Variants in DMRTB1 observed in about 807,000 individuals in gnomAD.
DMRTB1 encodes the protein doublesex- and mab-3-related transcription factor B1.
Under a neutral mutation model 25.2 loss-of-function variants are expected in DMRTB1, and 9 were observed. That is an observed-to-expected ratio of 0.36 (90% CI 0.22 to 0.62). DMRTB1 has a LOEUF of 0.62. Ranked by LOEUF, DMRTB1 falls within the 20% of genes least tolerant of loss-of-function variation. The probability of loss-of-function intolerance (pLI) is 0.71; values close to 1 mark genes in which losing one functional copy is unlikely to be tolerated. For synonymous variants in DMRTB1, 269 were observed against 238.1 expected, an observed-to-expected ratio of 1.13 and a Z score of -1.20; for missense variants, 551 against 499.3, an observed-to-expected ratio of 1.10 and a Z score of -0.99.
At position 53,459,520 on chromosome 1, in the gene DMRTB1, G is replaced by A; in HGVS notation, c.67G>A (p.Val23Ile). The A allele has an allele frequency of 1.2e-6, 2 of 1,613,180 alleles. No individual in the cohort carries two copies. The highest frequency in any genetic ancestry group is 1.7e-6 in the Non-Finnish European group (2 of 1,179,986). The change falls in exon 1 of 4, where the codon GTC becomes ATC. Residue 23 changes from valine (V) to isoleucine (I), a missense_variant. By Grantham distance (29) the Val-to-Ile change is conservative. Coordinates refer to ENST00000371445, the MANE Select transcript of DMRTB1 (RefSeq NM_033067.3). The part of the protein sequence containing the change: ...RCRNHGFLVP[V>I]KGHAGKCRWK... Reference sequence around the variant, plus strand: ...CAGGAACCATGGCTTCCTGGTGCCCGTCAAGGGACACGCGGGCAAATGCCG... The same window carrying A: ...CAGGAACCATGGCTTCCTGGTGCCCATCAAGGGACACGCGGGCAAATGCCG...
intron 2 of DMRTB1, among the ~76,000 whole-genome samples, chr1:53,463,227 C>G (rs1482027455): frequency 6.6e-6 from 1 of 152,214 alleles, no homozygotes; most frequent in African/African-American, 2.4e-5. Flanking sequence ...TCATCCTTGT[C>G]CTGCTGCCCC....
Position 53,459,814 on chromosome 1 carries a change from G to T in DMRTB1, c.361G>T (p.Glu121Ter). 3 of 1,443,764 alleles carry T rather than the reference G, an allele frequency of 2.1e-6. No individual in the cohort carries two copies. Among genetic ancestry groups the T allele is most frequent in the South Asian group, 1.3e-5 (1 of 75,134 alleles). The allele number at this position is 1,443,764 out of a possible 1,614,324, so 89.4% of individuals were successfully genotyped here. The change falls in exon 1 of 4, where the codon GAG becomes TAG. Residue 121 changes from glutamate (E) to a stop codon, truncating the protein, a stop_gained. Transcript: ENST00000371445. LOFTEE classifies it high-confidence loss of function. ...GGGCCGCGCGGCCGCTTGCTTCTTC[G>T]AGCAGCCCCCGCGGGGCCGGAACCC... The part of the protein sequence containing the change: ...PEGRAAACFF[E>*]QPPRGRNPGP...
chr1:53,459,462 C>T lies in DMRTB1; in HGVS notation c.9C>T (p.Asp3=). 6.2e-7 allele frequency: 1 copy of T among 1,613,092 alleles called. No individual in the cohort carries two copies. Among genetic ancestry groups the T allele is most frequent in the Non-Finnish European group, 8.5e-7 (1 of 1,179,998 alleles). Residue 3 remains aspartate (D), a synonymous_variant, in exon 1 of 4, where the codon GAC becomes GAT. Coordinates refer to ENST00000371445, the MANE Select transcript of DMRTB1 (RefSeq NM_033067.3). The part of the protein sequence containing the change: MA[D]KMVRTPKCSR... ...GAAGGCTGACCCTGCCAATGGCCGA[C>T]AAAATGGTGCGCACCCCCAAGTGCT...
intron 2 of DMRTB1, among the ~76,000 whole-genome samples, chr1:53,463,988 C>G (rs1344707975): frequency 2.6e-5 from 4 of 152,178 alleles, no homozygotes; most frequent in African/African-American, 9.7e-5. Flanking sequence ...ACAGAAGCAG[C>G]AAAATGTTCA....
At chr1:53,463,096 G>C (rs932030443) in intron 2 of DMRTB1, among the ~76,000 whole-genome samples, 2 of 152,236 alleles carry the variant, frequency 1.3e-5, no homozygotes, top group Non-Finnish European at 2.9e-5. Flanking sequence ...CCAGGGAGAT[G>C]CTTGGCTGAG....
chr1:53,463,031 A>C (rs1415864850), intron 2 of DMRTB1, among the ~76,000 whole-genome samples: 4 of 152,206 alleles, frequency 2.6e-5, no homozygotes, highest in African/African-American at 9.7e-5. Context: ...GTGTGATCTC[A>C]GTCGGTTTAT....
chr1:53,461,038 G>A (rs753731036), intron 1 of DMRTB1, among the ~76,000 whole-genome samples: 3 of 152,178 alleles, frequency 2.0e-5, no homozygotes, highest in Non-Finnish European at 4.4e-5. Context: ...CCAGGCATTC[G>A]TGATGGAGGA....
At position 53,464,308 on chromosome 1, in the gene DMRTB1, C is replaced by T. The variant is rs114845261; in HGVS notation, c.751-329C>T. Among the ~76,000 whole-genome samples, 1,006 of 152,280 alleles carry T rather than the reference C, an allele frequency of 6.6e-3. 8 individuals are homozygous for T. The highest frequency in any genetic ancestry group is 0.023 in the African/African-American group (939 of 41,550). The stretch of plus-strand genomic sequence containing the variant: ...GCTTCATCTCACTGAACCTGTTTTT[C>T]ATAATTACAGCAAGAATAGTAATAG... On this transcript the variant is annotated intron_variant, in intron 2 of 3. Transcript: ENST00000371445.
intron 2 of DMRTB1, among the ~76,000 whole-genome samples, chr1:53,463,278 T>C (rs1644031360): frequency 6.6e-6 from 1 of 152,202 alleles, no homozygotes; most frequent in Non-Finnish European, 1.5e-5. Context: ...AGTTTCCTCC[T>C]TCCTGTTCCT....
At position 53,459,890 on chromosome 1, in the gene DMRTB1, C is replaced by A; in HGVS notation, c.437C>A (p.Pro146Gln). ...PVLGGRSHVE[P>Q]SERAAVAMPS... ...CTGGGCGGCCGCAGCCACGTGGAGCCGAGCGAGCGAGCCGCCGTGGCGATG... is the reference window on the plus strand; with the variant it reads ...CTGGGCGGCCGCAGCCACGTGGAGCAGAGCGAGCGAGCCGCCGTGGCGATG... The change falls in exon 1 of 4, where the codon CCG becomes CAG. Residue 146 changes from proline to glutamine, a missense_variant. Transcript: ENST00000371445. 6.6e-7 allele frequency: 1 copy of A among 1,523,506 alleles called. No individual in the cohort carries two copies. Among genetic ancestry groups the A allele is most frequent in the Non-Finnish European group, 8.7e-7 (1 of 1,144,782 alleles). The allele number at this position is 1,523,506 out of a possible 1,614,324, so 94.4% of individuals were successfully genotyped here.
intron 1 of DMRTB1, 24 bp downstream of exon 1, chr1:53,460,054 G>C: frequency 6.5e-7 from 1 of 1,538,434 alleles, no homozygotes; most frequent in Non-Finnish European, 8.7e-7. Context: ...TTGGTCCCGC[G>C]GTCGACTCCC....
At position 53,459,500 on chromosome 1, in the gene DMRTB1, A is replaced by G; in HGVS notation, c.47A>G (p.Asn16Ser). Residue 16 changes from asparagine to serine, a missense_variant, in exon 1 of 4, where the codon AAC (asparagine) becomes AGC (serine). Asn to Ser is a conservative substitution (Grantham distance 46). Transcript: ENST00000371445. ...VRTPKCSRCR[N>S]HGFLVPVKGH... ...ACCCCCAAGTGCTCGAGATGCAGGAACCATGGCTTCCTGGTGCCCGTCAAG... is the reference window on the plus strand; with the variant it reads ...ACCCCCAAGTGCTCGAGATGCAGGAGCCATGGCTTCCTGGTGCCCGTCAAG... The G allele has an allele frequency of 6.2e-7, 1 of 1,613,238 alleles. No individual in the cohort carries two copies. The highest frequency in any genetic ancestry group is 1.3e-5 in the African/African-American group (1 of 75,058).
At position 53,466,679 on chromosome 1, in the gene DMRTB1, CCT is replaced by C; in HGVS notation, c.*18_*19del. ...TCCGACTAGGCCCCAGGCCCGCCCT[CCT>C]GGCCAGCAGAGTGGGGCACTGGGGG... is the stretch of plus-strand genomic sequence containing the variant. On this transcript the variant is annotated 3_prime_UTR_variant, in exon 4 of 4. Coordinates refer to ENST00000371445, the MANE Select transcript of DMRTB1 (RefSeq NM_033067.3). 10 of 1,613,738 alleles carry C rather than the reference CCT, an allele frequency of 6.2e-6. No individual in the cohort carries two copies. The highest frequency in any genetic ancestry group is 8.5e-6 in the Non-Finnish European group (10 of 1,179,898).
chr1:53,459,874 C>G lies in DMRTB1; in HGVS notation c.421C>G (p.Arg141Gly), dbSNP rs536756683. ...PRALQPVLGG[R>G]SHVEPSERAA... ...AGCCCTCCAGCCGGTTCTGGGCGGC[C>G]GCAGCCACGTGGAGCCGAGCGAGCG... Residue 141 changes from arginine to glycine, a missense_variant, in exon 1 of 4, where the codon CGC (arginine) becomes GGC (glycine). By Grantham distance (125) the Arg-to-Gly change is moderately radical (BLOSUM62 -2). Coordinates refer to ENST00000371445, the MANE Select transcript of DMRTB1 (RefSeq NM_033067.3). 1.3e-6 allele frequency: 2 copies of G among 1,510,690 alleles called. No homozygotes were observed. The highest frequency in any genetic ancestry group is 2.9e-5 in the African/African-American group (2 of 69,172). The allele number at this position is 1,510,690 out of a possible 1,614,324, so 93.6% of individuals were successfully genotyped here.
At chr1:53,461,703 T>C in intron 2 of DMRTB1, 58 bp downstream of exon 2, 1 of 1,491,742 alleles carries the variant, frequency 6.7e-7, no homozygotes, top group Non-Finnish European at 8.9e-7. Context: ...CCCTGCTGCC[T>C]TGATGGATCC....
At chr1:53,461,397 C>G in intron 1 of DMRTB1, 76 bp from the exon 2 acceptor site, 1 of 1,444,620 alleles carries the variant, frequency 6.9e-7, no homozygotes, top group South Asian at 1.5e-5. Flanking sequence ...CGCTGATGAC[C>G]CCGCCGCCCT....
intron 1 of DMRTB1, among the ~76,000 whole-genome samples, chr1:53,460,759 G>T (rs1169174745): frequency 6.6e-6 from 1 of 152,232 alleles, no homozygotes; most frequent in Admixed American, 6.5e-5. Context: ...GCGTTTTCCT[G>T]GTGTCTCCCC....
At position 53,459,781 on chromosome 1, in the gene DMRTB1, G is replaced by GGACCCGA. The variant is rs1358366711; in HGVS notation, c.330_336dup (p.Gly113ThrfsTer97). 1.4e-6 allele frequency: 2 copies of GGACCCGA among 1,387,824 alleles called. No individual in the cohort carries two copies. Among genetic ancestry groups the GGACCCGA allele is most frequent in the Non-Finnish European group, 1.9e-6 (2 of 1,074,138 alleles). The allele number at this position is 1,387,824 out of a possible 1,614,324, so 86.0% of individuals were successfully genotyped here. A position where few individuals can be genotyped will look rare whatever the true frequency, so the allele number is the denominator to read the frequency against. ...GACTCCCTCCGGAGACGCCGACCCG[G>GGACCCGA]GACCCGAGGGCCGCGCGGCCGCTTG... On this transcript the variant is annotated frameshift_variant, in exon 1 of 4. Transcript: ENST00000371445. LOFTEE classifies it high-confidence loss of function.
At chr1:53,461,367 T>G in intron 1 of DMRTB1, 106 bp from the exon 2 acceptor site, 1 of 1,236,872 alleles carries the variant, frequency 8.1e-7, no homozygotes. Flanking sequence ...CGGGGTGGGC[T>G]TTCTGTGCTT....
Sources: gnomAD v4.1 joint callset for allele counts (sites outside exome capture counted in the v4.1 genomes callset) on GRCh38, gnomAD v4.1.1 for gene constraint, MANE v1.5 for transcripts, NCBI Gene and HGNC (gene_info 2026-07-23, HGNC 2026-07-21) for gene names.